Variants in C12orf42 observed in about 807,000 individuals in gnomAD.
C12orf42 encodes the protein uncharacterized protein C12orf42.
C12orf42 carries 25 observed loss-of-function variants against 21.6 expected under a neutral mutation model. The observed-to-expected ratio is 1.16, with a 90% CI of 0.84 to 1.62. C12orf42 has a LOEUF of 1.62. Ranked by LOEUF, C12orf42 falls within the 40% of genes most tolerant of loss-of-function variation. The probability of loss-of-function intolerance (pLI) is 0.00; values close to 1 mark genes in which losing one functional copy is unlikely to be tolerated. For synonymous variants in C12orf42, 174 were observed against 175.0 expected (o/e 0.99, Z 0.05); for missense variants, 483 against 459.3 (o/e 1.05, Z -0.47).
the C12orf42 span, among the ~76,000 whole-genome samples, chr12:103,188,730 T>G: frequency 6.6e-6 from 1 of 152,228 alleles, no homozygotes; most frequent in Non-Finnish European, 1.5e-5. Context: ...CATATGATAC[T>G]CTGGCTCTTC....
the C12orf42 span, among the ~76,000 whole-genome samples, chr12:103,068,975 A>C: frequency 7.5e-4 from 79 of 105,538 alleles, 5 homozygotes; most frequent in African/African-American, 3.2e-3. Flanking sequence ...ATATATATAT[A>C]TATATATATA....
At chr12:103,486,829 A>C (rs1176642279) in intron 1 of C12orf42, among the ~76,000 whole-genome samples, 31 of 151,704 alleles carry the variant, frequency 2.0e-4, no homozygotes, top group Admixed American at 2.0e-3. Flanking sequence ...TTTTTTATTG[A>C]GTCTATTTGA....
At chr12:103,068,932 C>CATATATAT in the C12orf42 span, among the ~76,000 whole-genome samples, 3 of 48,188 alleles carry the variant, frequency 6.2e-5, 1 homozygote, top group Non-Finnish European at 1.2e-4. Context: ...TCTCTCTCTC[C>CATATATAT]ACATATATAT....
intron 4 of C12orf42, among the ~76,000 whole-genome samples, chr12:103,342,387 G>C (rs1294225859): frequency 1.3e-5 from 2 of 151,984 alleles, no homozygotes; most frequent in African/African-American, 4.8e-5. Context: ...CATTTTAAAA[G>C]GTACTCAAAT....
At chr12:103,310,456 A>T (rs541836068) in intron 4 of C12orf42, among the ~76,000 whole-genome samples, 1 of 152,364 alleles carries the variant, frequency 6.6e-6, no homozygotes, top group Admixed American at 6.5e-5. Context: ...TATGCATGTG[A>T]AAACCTCTGA....
At chr12:103,097,546 A>T in the C12orf42 span, among the ~76,000 whole-genome samples, 1 of 152,196 alleles carries the variant, frequency 6.6e-6, no homozygotes, top group Non-Finnish European at 1.5e-5. Flanking sequence ...AAAAATGAGA[A>T]AATATAGAAA....
the C12orf42 span, among the ~76,000 whole-genome samples, chr12:103,198,260 A>G: frequency 6.6e-6 from 1 of 152,232 alleles, no homozygotes; most frequent in African/African-American, 2.4e-5. Flanking sequence ...CTTCACCTGC[A>G]GAAGCTCTTT....
the C12orf42 span, among the ~76,000 whole-genome samples, chr12:103,079,045 C>T: frequency 1.3e-5 from 2 of 152,166 alleles, no homozygotes; most frequent in Admixed American, 1.3e-4. Context: ...CACCACATTG[C>T]TATGTATTAT....
chr12:103,116,133 G>A, the C12orf42 span, among the ~76,000 whole-genome samples: 2 of 152,018 alleles, frequency 1.3e-5, no homozygotes, highest in African/African-American at 2.4e-5. Flanking sequence ...AGGCCAAGGC[G>A]GGCAGATTAC....
the C12orf42 span, chr12:103,557,473 T>C: frequency 6.6e-6 from 1 of 152,232 alleles, no homozygotes; most frequent in Non-Finnish European, 1.5e-5. Context: ...CATCTGCACG[T>C]ATTTGCCTGG....
chr12:103,501,574 CT>C, the C12orf42 span, among the ~76,000 whole-genome samples: 4 of 152,188 alleles, frequency 2.6e-5, no homozygotes, highest in African/African-American at 9.7e-5. Context: ...TCATATTTTC[CT>C]GTTGCTTCTT....
rs150856240 is a variant in C12orf42, at chr12:103,274,668, C to G, written n.398+2482G>C. Among the ~76,000 whole-genome samples, 462 of 152,206 alleles carry G rather than the reference C, an allele frequency of 3.0e-3. 2 individuals are homozygous for G. Among genetic ancestry groups the G allele is most frequent in the African/African-American group, 0.011 (448 of 41,544 alleles). ...GTGTGTGTCTGTGTGTGTATGCATG[C>G]ACATGAACATGCTCTTGTTTTAAAC... On this transcript the variant is annotated intron_variant and non_coding_transcript_variant, in intron 5 of 6. Transcript: ENST00000546526.
chr12:103,437,674 C>G (rs895567862), intron 2 of C12orf42, among the ~76,000 whole-genome samples: 1 of 151,536 alleles, frequency 6.6e-6, no homozygotes, highest in Non-Finnish European at 1.5e-5. Flanking sequence ...ATAAATTCCT[C>G]GACACATACA....
chr12:103,106,281 C>T, the C12orf42 span, among the ~76,000 whole-genome samples: 1 of 151,964 alleles, frequency 6.6e-6, no homozygotes, highest in Non-Finnish European at 1.5e-5. Flanking sequence ...TTATCACTCA[C>T]AGACCCTCAT....
chr12:103,061,895 C>T, the C12orf42 span, among the ~76,000 whole-genome samples: 1 of 151,226 alleles, frequency 6.6e-6, no homozygotes, highest in African/African-American at 2.4e-5. Flanking sequence ...TAGTTTTCTC[C>T]TGTTTTATAC....
At chr12:103,554,563 G>C in the C12orf42 span, among the ~76,000 whole-genome samples, 1 of 149,876 alleles carries the variant, frequency 6.7e-6, no homozygotes, top group African/African-American at 2.4e-5. Flanking sequence ...ATCTGAGACT[G>C]GGTAATTTAT....
intron 4 of C12orf42, among the ~76,000 whole-genome samples, chr12:103,339,995 C>T (rs555414500): frequency 6.6e-6 from 1 of 152,250 alleles, no homozygotes; most frequent in Non-Finnish European, 1.5e-5. Flanking sequence ...GCACAGTGAA[C>T]CCAGAAAGAT....
chr12:103,452,710 G>A (rs1952028227), intron 2 of C12orf42, among the ~76,000 whole-genome samples: 1 of 152,102 alleles, frequency 6.6e-6, no homozygotes, highest in African/African-American at 2.4e-5. Flanking sequence ...AAAAGGATGA[G>A]TTCATGTCCT....
the C12orf42 span, among the ~76,000 whole-genome samples, chr12:103,050,511 T>G: frequency 1.3e-5 from 2 of 152,096 alleles, no homozygotes; most frequent in Non-Finnish European, 1.5e-5. Flanking sequence ...ATAATCATGT[T>G]TAATGCAAGA....
Sources: allele counts gnomAD v4.1 joint callset (sites outside exome capture counted in the v4.1 genomes callset), GRCh38; gene constraint gnomAD v4.1.1; transcripts MANE v1.5; gene names NCBI Gene and HGNC (gene_info 2026-07-23, HGNC 2026-07-21).